Variants in CDK14 observed in about 807,000 individuals in gnomAD.
The protein encoded by CDK14 is cyclin dependent kinase 14.
In CDK14, 34 loss-of-function variants were observed where a neutral mutation model predicts 60.7. That is an observed-to-expected ratio of 0.56 (90% CI 0.43 to 0.75). CDK14 has a LOEUF of 0.75. Ranked by LOEUF, CDK14 falls within the 30% of genes least tolerant of loss-of-function variation. CDK14 has a pLI of 0.00. For missense variants in CDK14, 482 were observed against 564.1 expected, an observed-to-expected ratio of 0.85 and a Z score of 1.47; for synonymous variants, 197 against 203.7, an observed-to-expected ratio of 0.97 and a Z score of 0.28.
intron 14 of CDK14, among the ~76,000 whole-genome samples, chr7:91,195,663 A>G (rs902448221): frequency 1.3e-5 from 2 of 152,234 alleles, no homozygotes; most frequent in African/African-American, 4.8e-5. Context: ...TTGAAGAACC[A>G]GCTGCATTAT....
intron 8 of CDK14, among the ~76,000 whole-genome samples, chr7:90,933,131 A>G (rs898284756): frequency 4.6e-5 from 7 of 152,062 alleles, no homozygotes; most frequent in Non-Finnish European, 1.0e-4. Context: ...CTTGAGCTCA[A>G]GAGTTCAAGA....
At chr7:90,972,905 A>G (rs773259339) in intron 9 of CDK14, among the ~76,000 whole-genome samples, 5 of 152,228 alleles carry the variant, frequency 3.3e-5, no homozygotes, top group Non-Finnish European at 5.9e-5. Flanking sequence ...GCAGGATCTC[A>G]GGCCTCAACC....
At chr7:90,736,350 GTT>G (rs869290471) in intron 3 of CDK14, among the ~76,000 whole-genome samples, 3 of 50,280 alleles carry the variant, frequency 6.0e-5, no homozygotes, top group African/African-American at 2.6e-4. Flanking sequence ...TTATGTTTTT[GTT>G]TTTTTTTTTT....
At chr7:90,762,830 C>A (rs1382127440) in intron 4 of CDK14, among the ~76,000 whole-genome samples, 2 of 151,936 alleles carry the variant, frequency 1.3e-5, no homozygotes, top group Non-Finnish European at 2.9e-5. Flanking sequence ...TAACAAAAAA[C>A]ACAAAAATTA....
chr7:91,201,607 C>T (rs1802729415), intron 14 of CDK14, among the ~76,000 whole-genome samples: 1 of 151,996 alleles, frequency 6.6e-6, no homozygotes, highest in African/African-American at 2.4e-5. Context: ...AAACACAGAC[C>T]ACCTGATCAC....
chr7:90,639,520 A>C (rs1185010232), intron 2 of CDK14, among the ~76,000 whole-genome samples: 1 of 151,784 alleles, frequency 6.6e-6, no homozygotes, highest in Non-Finnish European at 1.5e-5. Context: ...TGGCCGTGTG[A>C]GGTGTCAGTC....
chr7:91,055,833 A>C lies in CDK14; in HGVS notation c.1105+9873A>C, dbSNP rs546715230. On this transcript the variant is annotated intron_variant, in intron 11 of 14. Transcript: ENST00000380050. ...ACAGGGACGATTTACTTGATACTGA[A>C]AGAACTGTCATCTCTTTTAAAATAA... 2.0e-5 allele frequency among the ~76,000 whole-genome samples: 3 copies of C among 152,344 alleles called. No homozygotes were observed. The South Asian group carries it at 6.2e-4, about 32-fold the overall frequency.
At chr7:90,916,932 T>C (rs1793100408) in intron 7 of CDK14, among the ~76,000 whole-genome samples, 1 of 152,232 alleles carries the variant, frequency 6.6e-6, no homozygotes, top group African/African-American at 2.4e-5. Flanking sequence ...TTGACTTTCC[T>C]GTTGTGTTTC....
intron 8 of CDK14, among the ~76,000 whole-genome samples, chr7:90,944,186 T>TA (rs960570625): frequency 6.6e-6 from 1 of 152,236 alleles, no homozygotes; most frequent in Admixed American, 6.5e-5. Flanking sequence ...CAAGCCTCCA[T>TA]AACCATCAGC....
intron 2 of CDK14, among the ~76,000 whole-genome samples, chr7:90,720,349 G>T (rs912065611): frequency 2.0e-5 from 3 of 152,102 alleles, no homozygotes; most frequent in African/African-American, 7.2e-5. Context: ...GGCTGAGGGC[G>T]GTAAGAAAGC....
Position 91,072,578 on chromosome 7 carries a change from A to C in CDK14, c.1106-6854A>C, listed in dbSNP as rs181021488. Among the ~76,000 whole-genome samples, 7 of 152,324 alleles carry C rather than the reference A, an allele frequency of 4.6e-5. No individual in the cohort carries two copies. The East Asian group carries it at 1.4e-3, about 29-fold the overall frequency. On this transcript the variant is annotated intron_variant, in intron 11 of 14. Coordinates refer to ENST00000380050, the MANE Select transcript of CDK14 (RefSeq NM_001287135.2). Reference sequence around the variant, plus strand: ...CTCATGAAGATGAGAAAGAATCAACAAAAAGATGCTGAAAACCCAAAAGGC... The same window carrying C: ...CTCATGAAGATGAGAAAGAATCAACCAAAAGATGCTGAAAACCCAAAAGGC...
At chr7:90,633,450 T>C (rs775042433) in intron 2 of CDK14, among the ~76,000 whole-genome samples, 6 of 152,238 alleles carry the variant, frequency 3.9e-5, no homozygotes, top group Non-Finnish European at 7.4e-5. Context: ...AACTAGTTTC[T>C]GAAATTTTGT....
At chr7:90,898,606 A>G (rs1223549232) in intron 6 of CDK14, among the ~76,000 whole-genome samples, 1 of 152,122 alleles carries the variant, frequency 6.6e-6, no homozygotes, top group African/African-American at 2.4e-5. Flanking sequence ...ATAGTTTATG[A>G]TATAAGCAGA....
At chr7:90,841,581 C>T (rs755508344) in intron 5 of CDK14, among the ~76,000 whole-genome samples, 3 of 151,326 alleles carry the variant, frequency 2.0e-5, no homozygotes, top group East Asian at 1.9e-4. Flanking sequence ...CAGTTGCTTA[C>T]GAAGCAGCAC....
chr7:90,933,629 A>G (rs1793661798), intron 8 of CDK14, among the ~76,000 whole-genome samples: 1 of 152,260 alleles, frequency 6.6e-6, no homozygotes, highest in South Asian at 2.1e-4. Flanking sequence ...CCAGAAAAGG[A>G]CACTGCACTT....
At chr7:90,780,576 T>TC (rs1406830632) in intron 4 of CDK14, among the ~76,000 whole-genome samples, 2 of 91,206 alleles carry the variant, frequency 2.2e-5, no homozygotes, top group Non-Finnish European at 4.1e-5. Context: ...CCCTCCCCCC[T>TC]CCCCCCACCC....
intron 5 of CDK14, among the ~76,000 whole-genome samples, chr7:90,830,803 A>C (rs371755999): frequency 6.6e-6 from 1 of 152,126 alleles, no homozygotes; most frequent in East Asian, 1.9e-4. Flanking sequence ...CAGATATCCT[A>C]ATTCATCTTT....
chr7:90,638,498 C>G (rs1290890266), intron 2 of CDK14, among the ~76,000 whole-genome samples: 1 of 152,174 alleles, frequency 6.6e-6, no homozygotes, highest in African/African-American at 2.4e-5. Context: ...GCCGAGAGAT[C>G]CGCTGTTAGT....
chr7:90,735,177 C>G (rs780738631), intron 3 of CDK14, among the ~76,000 whole-genome samples: 1 of 152,198 alleles, frequency 6.6e-6, no homozygotes, highest in African/African-American at 2.4e-5. Context: ...GTTCCTTCGT[C>G]TGGAAGCTTC....
Sources: gnomAD v4.1 joint callset for allele counts (sites outside exome capture counted in the v4.1 genomes callset) on GRCh38, gnomAD v4.1.1 for gene constraint, MANE v1.5 for transcripts, NCBI Gene and HGNC (gene_info 2026-07-23, HGNC 2026-07-21) for gene names.